CBFA2T3: variants seen among roughly 807,000 people sequenced by gnomAD.
The protein encoded by CBFA2T3 is transcriptional corepressor CBFA2T3.
CBFA2T3 carries 31 observed loss-of-function variants against 58.6 expected under a neutral mutation model. The ratio of observed to expected loss-of-function variants is 0.53; its 90% CI spans 0.40 to 0.71. CBFA2T3 has a LOEUF of 0.71. CBFA2T3 is among the 30% of genes least tolerant of loss of function. The pLI is 0.00. For synonymous variants in CBFA2T3, 531 were observed against 421.9 expected (o/e 1.26, Z -3.17); for missense variants, 1,076 against 963.1 (o/e 1.12, Z -1.55).
At chr16:88,925,937 A>G (rs1244740518) in intron 1 of CBFA2T3, among the ~76,000 whole-genome samples, 1 of 152,220 alleles carries the variant, frequency 6.6e-6, no homozygotes, top group Non-Finnish European at 1.5e-5. Flanking sequence ...GAGGCTGAGA[A>G]GGACCAGGAC....
At position 88,969,664 on chromosome 16, in the gene CBFA2T3, C is replaced by T. The variant is rs115730953; in HGVS notation, c.151+6993G>A. On this transcript the variant is annotated intron_variant, in intron 1 of 11. Coordinates refer to ENST00000268679, the MANE Select transcript of CBFA2T3 (RefSeq NM_005187.6). ...GGGGCGGGGCCGGCCTGACGACGCA[C>T]AGACCTCAGCACCGCCCGTGGGGCT... Among the ~76,000 whole-genome samples, 744 of 152,312 alleles carry T rather than the reference C, an allele frequency of 4.9e-3. 7 individuals carry two copies. Among genetic ancestry groups the T allele is most frequent in the African/African-American group, 0.017 (696 of 41,578 alleles).
chr16:88,917,362 C>T (rs956223497), intron 1 of CBFA2T3, among the ~76,000 whole-genome samples: 17 of 149,426 alleles, frequency 1.1e-4, no homozygotes, highest in Non-Finnish European at 1.4e-4. Flanking sequence ...GGAGGGCCTG[C>T]CCCGGGGAGG....
chr16:88,943,895 G>A (rs745865962), intron 1 of CBFA2T3, among the ~76,000 whole-genome samples: 2 of 152,206 alleles, frequency 1.3e-5, no homozygotes, highest in Non-Finnish European at 1.5e-5. Flanking sequence ...TCACCTGTGC[G>A]GGAGACAGAC....
In CBFA2T3 at chr16:88,881,061, A is replaced by G. The variant is rs1286150313; in HGVS notation, c.1402+230T>C. The stretch of plus-strand genomic sequence containing the variant: ...GCATTCGTCGCTGAGGCGGAGAAGC[A>G]GAGACCCTCAGGGCCTCCCAGCTCC... On this transcript the variant is annotated intron_variant, in intron 9 of 11. Transcript: ENST00000268679. The G allele has an allele frequency of 1.1e-5, 8 of 707,170 alleles. No individual in the cohort carries two copies. In the Admixed American group the frequency reaches 1.6e-4, roughly 14 times the overall value. The allele number at this position is 707,170 out of a possible 1,614,324, so 43.8% of individuals were successfully genotyped here.
intron 1 of CBFA2T3, among the ~76,000 whole-genome samples, chr16:88,960,047 A>G (rs1478620061): frequency 3.3e-5 from 5 of 149,574 alleles, no homozygotes; most frequent in African/African-American, 1.3e-4. Context: ...ATAATAAATT[A>G]AAATAAATAA....
At chr16:88,893,507 G>C (rs371693505) in intron 3 of CBFA2T3, among the ~76,000 whole-genome samples, 3 of 152,212 alleles carry the variant, frequency 2.0e-5, no homozygotes, top group Admixed American at 2.0e-4. Context: ...CCTGCTAATG[G>C]GGTTCCAGGG....
intron 1 of CBFA2T3, among the ~76,000 whole-genome samples, chr16:88,906,705 C>T (rs1291169914): frequency 1.3e-5 from 2 of 152,230 alleles, no homozygotes; most frequent in African/African-American, 2.4e-5. Flanking sequence ...CCCCATGAGG[C>T]GGGCCCTGTC....
At chr16:88,961,296 T>C (rs1972348109) in intron 1 of CBFA2T3, among the ~76,000 whole-genome samples, 2 of 152,086 alleles carry the variant, frequency 1.3e-5, no homozygotes, top group African/African-American at 4.8e-5. Flanking sequence ...ACTGGAGATT[T>C]CCACTGCATA....
At chr16:88,926,735 G>A (rs1338503324) in intron 1 of CBFA2T3, among the ~76,000 whole-genome samples, 2 of 152,230 alleles carry the variant, frequency 1.3e-5, no homozygotes, top group Admixed American at 1.3e-4. Flanking sequence ...TCGGCTGTAA[G>A]ACGGGACGGA....
At chr16:88,904,609 G>A (rs926780547) in intron 1 of CBFA2T3, among the ~76,000 whole-genome samples, 4 of 152,254 alleles carry the variant, frequency 2.6e-5, no homozygotes, top group Admixed American at 6.5e-5. Context: ...AGGAGGCCCC[G>A]TGCCTGAGGA....
chr16:88,923,701 G>A (rs1007214009), intron 1 of CBFA2T3, among the ~76,000 whole-genome samples: 3 of 152,228 alleles, frequency 2.0e-5, no homozygotes, highest in Non-Finnish European at 4.4e-5. Flanking sequence ...CACACATGTC[G>A]CTCCTGCTGT....
Position 88,898,636 on chromosome 16 carries a change from CGAA to C in CBFA2T3, c.305-487_305-485del, listed in dbSNP as rs377380315. On this transcript the variant is annotated intron_variant, in intron 2 of 11. Coordinates refer to ENST00000268679, the MANE Select transcript of CBFA2T3 (RefSeq NM_005187.6). ...GAGCACCATCCTCAGGGACCTGGGC[CGAA>C]GCCGCGTGTCCTAAAAGCGACCTGA... 3.5e-3 allele frequency among the ~76,000 whole-genome samples: 529 copies of C among 152,320 alleles called. 2 individuals are homozygous for C. Among genetic ancestry groups the C allele is most frequent in the Middle Eastern group, 0.024 (7 of 294 alleles).
chr16:88,926,263 C>T (rs779223916), intron 1 of CBFA2T3, among the ~76,000 whole-genome samples: 9 of 152,156 alleles, frequency 5.9e-5, no homozygotes, highest in African/African-American at 9.7e-5. Flanking sequence ...ATCTGGGTTC[C>T]GTGCAGGGAG....
Position 88,885,827 on chromosome 16 carries a change from C to T in CBFA2T3, c.893+134G>A, listed in dbSNP as rs1027134097. 2.1e-5 allele frequency: 16 copies of T among 763,038 alleles called. No individual in the cohort carries two copies. The highest frequency in any genetic ancestry group is 1.1e-4 in the East Asian group (4 of 37,042). 47.3% of individuals were successfully genotyped at this position (763,038 alleles called of 1,614,324 possible). A position where few individuals can be genotyped will look rare whatever the true frequency, so the allele number is the denominator to read the frequency against. ...CTGCTGGCCCTAGTACACCTCGCCA[C>T]GCTCCCTCAGCCCGAGAGAGCCGGC... On this transcript the variant is annotated intron_variant, in intron 6 of 11. Coordinates refer to ENST00000268679, the MANE Select transcript of CBFA2T3 (RefSeq NM_005187.6). The surrounding 1 kb of genome is among the most constrained non-coding windows in gnomAD (Gnocchi z 5.3).
chr16:88,920,196 C>G (rs1970865977), intron 1 of CBFA2T3, among the ~76,000 whole-genome samples: 1 of 152,234 alleles, frequency 6.6e-6, no homozygotes, highest in Non-Finnish European at 1.5e-5. Flanking sequence ...GTTCTAGGCC[C>G]ATGCACTGAC....
chr16:88,876,728 T>C lies in CBFA2T3; in HGVS notation c.*248A>G, dbSNP rs1007687029. 7 of 442,970 alleles carry C rather than the reference T, an allele frequency of 1.6e-5. No homozygotes were observed. The highest frequency in any genetic ancestry group is 1.4e-4 in the African/African-American group (7 of 48,570). 27.4% of individuals were successfully genotyped at this position (442,970 alleles called of 1,614,324 possible). On this transcript the variant is annotated 3_prime_UTR_variant, in exon 12 of 12. Transcript: ENST00000268679. ...CTTCTGAGGATGCTTGAAGAGACGT[T>C]GTCAGGAGGTCTCCGCGCGGAATCA...
intron 8 of CBFA2T3, 101 bp from the exon 9 acceptor site, chr16:88,881,590 C>T (rs1014445057): frequency 3.3e-5 from 41 of 1,229,288 alleles, no homozygotes; most frequent in Non-Finnish European, 4.5e-5. Context: ...GATGGGTGCC[C>T]GACCAGCCCA....
At position 88,914,758 on chromosome 16, in the gene CBFA2T3, G is replaced by T. The variant is rs552531139; in HGVS notation, c.152-13102C>A. 3.9e-5 allele frequency among the ~76,000 whole-genome samples: 6 copies of T among 152,218 alleles called. No individual in the cohort carries two copies. The East Asian group carries it at 1.2e-3, about 29-fold the overall frequency. Reference sequence around the variant, plus strand: ...CGGTTGAGCAAAGCCTGGAAAGGCTGGGGGAGAGTGGTGAGCTCAGAGGCT... The same window carrying T: ...CGGTTGAGCAAAGCCTGGAAAGGCTTGGGGAGAGTGGTGAGCTCAGAGGCT... On this transcript the variant is annotated intron_variant, in intron 1 of 11. Coordinates refer to ENST00000268679, the MANE Select transcript of CBFA2T3 (RefSeq NM_005187.6).
intron 1 of CBFA2T3, among the ~76,000 whole-genome samples, chr16:88,932,447 G>A (rs959533283): frequency 4.0e-5 from 6 of 151,372 alleles, no homozygotes; most frequent in African/African-American, 1.5e-4. Context: ...CAGCCTGGGC[G>A]ATGTAGCAAG....
Sources: gnomAD v4.1 joint callset for allele counts (sites outside exome capture counted in the v4.1 genomes callset) on GRCh38, gnomAD v4.1.1 for gene constraint, Gnocchi (gnomAD v3.1) non-coding constraint, MANE v1.5 for transcripts, NCBI Gene and HGNC (gene_info 2026-07-23, HGNC 2026-07-21) for gene names.